Variants in IL15 observed in about 807,000 individuals in gnomAD.
IL15 encodes interleukin 15, also known as interleukin-15.
In IL15, 11 loss-of-function variants were observed where a neutral mutation model predicts 19.6. The ratio of observed to expected loss-of-function variants is 0.56; its 90% CI spans 0.35 to 0.93. The LOEUF (loss-of-function observed/expected upper bound fraction) is 0.93, where lower values mean the gene tolerates loss of function less well. Ranked by LOEUF, IL15 falls within the 40% of genes least tolerant of loss-of-function variation. The pLI, the probability that IL15 is intolerant of heterozygous loss-of-function variation, is 0.01. For synonymous variants in IL15, 58 were observed against 59.6 expected (o/e 0.97, Z 0.12); for missense variants, 197 against 186.5 (o/e 1.06, Z -0.33).
intron 1 of IL15, among the ~76,000 whole-genome samples, chr4:141,655,145 A>T (rs1727546323): frequency 6.6e-6 from 1 of 152,094 alleles, no homozygotes; most frequent in African/African-American, 2.4e-5. Flanking sequence ...CTCCTGCAGG[A>T]TTCATCAATT....
At chr4:141,670,576 A>C (rs992382464) in intron 2 of IL15, among the ~76,000 whole-genome samples, 1 of 152,162 alleles carries the variant, frequency 6.6e-6, no homozygotes, top group African/African-American at 2.4e-5. Flanking sequence ...AATGTTATTG[A>C]TTTTAAGTTT....
intron 5 of IL15, among the ~76,000 whole-genome samples, chr4:141,722,517 T>G (rs184563201): frequency 1.4e-4 from 22 of 152,240 alleles, no homozygotes; most frequent in Non-Finnish European, 2.4e-4. Context: ...AAAAAATAGG[T>G]TAGAACTTGC....
chr4:141,721,500 C>T (rs1228433990), intron 4 of IL15: 1 of 549,582 alleles, frequency 1.8e-6, no homozygotes, highest in African/African-American at 1.9e-5. Context: ...AAAATCATTA[C>T]ATGAAAATGA....
At chr4:141,652,302 C>T (rs1389252426) in intron 1 of IL15, among the ~76,000 whole-genome samples, 2 of 152,072 alleles carry the variant, frequency 1.3e-5, no homozygotes, top group Non-Finnish European at 2.9e-5. Context: ...ATAATTTGTA[C>T]AGCCCAAGTG....
At chr4:141,689,896 C>A (rs531109927) in intron 2 of IL15, among the ~76,000 whole-genome samples, 1 of 152,182 alleles carries the variant, frequency 6.6e-6, no homozygotes, top group Non-Finnish European at 1.5e-5. Context: ...GACTGGGCGC[C>A]GTGGAGCAGG....
intron 2 of IL15, among the ~76,000 whole-genome samples, chr4:141,711,562 AG>A (rs1729719063): frequency 6.6e-6 from 1 of 152,112 alleles, no homozygotes; most frequent in Non-Finnish European, 1.5e-5. Context: ...TAGGTGTTGT[AG>A]GTACAGTAAC....
At chr4:141,728,168 A>G (rs1313912563) in intron 6 of IL15, among the ~76,000 whole-genome samples, 184 bp downstream of exon 6, 1 of 152,074 alleles carries the variant, frequency 6.6e-6, no homozygotes, top group Non-Finnish European at 1.5e-5. Flanking sequence ...AGCTACATCA[A>G]TGCTATTTTT....
chr4:141,662,030 T>C (rs1252449307), intron 2 of IL15, among the ~76,000 whole-genome samples: 2 of 152,234 alleles, frequency 1.3e-5, no homozygotes, highest in Non-Finnish European at 2.9e-5. Flanking sequence ...GTCTTTTTCG[T>C]TTTTAGATTT....
At chr4:141,695,936 A>G (rs1193034960) in intron 2 of IL15, among the ~76,000 whole-genome samples, 6 of 152,030 alleles carry the variant, frequency 3.9e-5, no homozygotes, top group Admixed American at 3.9e-4. Flanking sequence ...TTTGCTGTTC[A>G]AAAGCTTTTT....
chr4:141,687,334 G>A (rs1251593844), intron 2 of IL15, among the ~76,000 whole-genome samples: 2 of 152,188 alleles, frequency 1.3e-5, no homozygotes, highest in Non-Finnish European at 2.9e-5. Context: ...TCACAGGTAA[G>A]GTCCAAAATC....
intron 1 of IL15, among the ~76,000 whole-genome samples, chr4:141,641,539 T>C (rs1287683706): frequency 1.3e-5 from 2 of 151,856 alleles, no homozygotes; most frequent in African/African-American, 4.8e-5. Flanking sequence ...ATGTCCTTTG[T>C]AGGGACGTGG....
intron 2 of IL15, among the ~76,000 whole-genome samples, chr4:141,677,860 T>C (rs1398605871): frequency 6.6e-6 from 1 of 152,196 alleles, no homozygotes; most frequent in Admixed American, 6.5e-5. Flanking sequence ...GAGTGATACG[T>C]TGTCACATGC....
chr4:141,710,629 T>TG, intron 2 of IL15, among the ~76,000 whole-genome samples: 1 of 152,082 alleles, frequency 6.6e-6, no homozygotes, highest in Non-Finnish European at 1.5e-5. Context: ...ACTGCCACAT[T>TG]GTTTTTTCTG....
At chr4:141,698,255 A>AT (rs1729167019) in intron 2 of IL15, among the ~76,000 whole-genome samples, 1 of 151,822 alleles carries the variant, frequency 6.6e-6, no homozygotes, top group South Asian at 2.1e-4. Flanking sequence ...TTTATGAAGG[A>AT]TTTTTGTATC....
intron 2 of IL15, 134 bp from the exon 3 acceptor site, chr4:141,719,232 A>G (rs765878380): frequency 4.0e-5 from 16 of 401,156 alleles, no homozygotes; most frequent in Non-Finnish European, 7.1e-5. Context: ...TATTGTAAAG[A>G]TTAAAGGTGA....
intron 2 of IL15, among the ~76,000 whole-genome samples, chr4:141,675,600 C>T (rs767961874): frequency 9.2e-5 from 14 of 152,136 alleles, no homozygotes; most frequent in Non-Finnish European, 1.6e-4. Context: ...TAACACCCTA[C>T]GGCCCACAGG....
At chr4:141,703,008 T>C (rs1279788340) in intron 2 of IL15, among the ~76,000 whole-genome samples, 1 of 152,166 alleles carries the variant, frequency 6.6e-6, no homozygotes, top group Non-Finnish European at 1.5e-5. Flanking sequence ...GCCTCTGCTA[T>C]GCAGAAGATT....
At chr4:141,640,621 G>A (rs1191760150) in intron 1 of IL15, among the ~76,000 whole-genome samples, 1 of 152,070 alleles carries the variant, frequency 6.6e-6, no homozygotes, top group Non-Finnish European at 1.5e-5. Flanking sequence ...AGAAAGAGGA[G>A]AAAAAGAGGC....
chr4:141,694,070 A>G (rs1729012177), intron 2 of IL15, among the ~76,000 whole-genome samples: 1 of 152,252 alleles, frequency 6.6e-6, no homozygotes, highest in Non-Finnish European at 1.5e-5. Context: ...TATTTACTGC[A>G]CCAATGGATG....
Sources: gnomAD v4.1 joint callset for allele counts (sites outside exome capture counted in the v4.1 genomes callset) on GRCh38, gnomAD v4.1.1 for gene constraint, MANE v1.5 for transcripts, NCBI Gene and HGNC (gene_info 2026-07-23, HGNC 2026-07-21) for gene names.